MAPT: variants seen among roughly 807,000 people sequenced by gnomAD.
MAPT encodes microtubule associated protein tau.
MAPT carries 34 observed loss-of-function variants against 67.9 expected under a neutral mutation model. That is an observed-to-expected ratio of 0.50 (90% CI 0.38 to 0.67). MAPT has a LOEUF of 0.67. Ranked by LOEUF, MAPT falls within the 30% of genes least tolerant of loss-of-function variation. The probability of loss-of-function intolerance (pLI) is 0.00; values close to 1 mark genes in which losing one functional copy is unlikely to be tolerated. For missense variants in MAPT, 881 were observed against 1,115.2 expected (o/e 0.79, Z 2.99); for synonymous variants, 456 against 464.5 (o/e 0.98, Z 0.23).
chr17:45,907,989 T>C, intron 1 of MAPT: 1 of 152,496 alleles, frequency 6.6e-6, no homozygotes, highest in Non-Finnish European at 1.5e-5. Flanking sequence ...CCCATCTGGT[T>C]CTACTGCCTG....
intron 1 of MAPT, among the ~76,000 whole-genome samples, chr17:45,917,191 C>A (rs2065272167): frequency 6.6e-6 from 1 of 152,252 alleles, no homozygotes; most frequent in Admixed American, 6.5e-5. Context: ...CCTTCAGTGT[C>A]TTTGCTTCAG....
At chr17:46,016,706 G>A (rs2076204545) in intron 11 of MAPT, among the ~76,000 whole-genome samples, 1 of 152,050 alleles carries the variant, frequency 6.6e-6, no homozygotes, top group Admixed American at 6.5e-5. Context: ...GGGAGGCGGA[G>A]CTTGCAGTGA....
intron 1 of MAPT, among the ~76,000 whole-genome samples, chr17:45,929,088 T>A (rs1568185549): frequency 8.9e-6 from 1 of 112,466 alleles, no homozygotes; most frequent in Non-Finnish European, 2.4e-5. Context: ...CATTTAAAAC[T>A]TTTTTTTAAT....
chr17:46,021,425 G>A (rs2076522830), intron 12 of MAPT, among the ~76,000 whole-genome samples: 1 of 152,154 alleles, frequency 6.6e-6, no homozygotes, highest in Non-Finnish European at 1.5e-5. Flanking sequence ...TCCCAGCCTC[G>A]GGGCACTTTA....
At chr17:45,954,071 C>T (rs1050639535) in intron 1 of MAPT, among the ~76,000 whole-genome samples, 7 of 152,132 alleles carry the variant, frequency 4.6e-5, no homozygotes, top group African/African-American at 1.2e-4. Flanking sequence ...AACTCTGGCA[C>T]GTGGGCCAAA....
At chr17:45,924,905 A>G (rs9904290) in intron 1 of MAPT, among the ~76,000 whole-genome samples, 80,382 of 152,030 alleles carry the variant, frequency 0.53, 21,563 homozygotes, top group Non-Finnish European at 0.56. Flanking sequence ...TGTATCTTCC[A>G]AGCTGCTTGG....
intron 1 of MAPT, among the ~76,000 whole-genome samples, chr17:45,916,073 G>A (rs1213907280): frequency 2.0e-5 from 3 of 152,266 alleles, no homozygotes; most frequent in Admixed American, 6.5e-5. Flanking sequence ...GGTGGTCTCC[G>A]GTTCCTCCAG....
chr17:45,959,548 C>T (rs62063278), intron 1 of MAPT, among the ~76,000 whole-genome samples: 21,780 of 152,118 alleles, frequency 0.14, 2,116 homozygotes, highest in Non-Finnish European at 0.22. Context: ...TGGCTCATGC[C>T]TGTAATCCCT....
At chr17:45,956,974 C>T (rs56201245) in intron 1 of MAPT, among the ~76,000 whole-genome samples, 21,382 of 151,390 alleles carry the variant, frequency 0.14, 2,059 homozygotes, top group Non-Finnish European at 0.21. Context: ...ATATGTGCCA[C>T]ATTTTCTTAA....
rs576562021 is a variant in MAPT at position 45,906,150 on chromosome 17, G to A, written c.-18+11464G>A. Among the ~76,000 whole-genome samples the A allele has an allele frequency of 3.8e-4, 58 of 152,136 alleles. No individual in the cohort carries two copies. Among genetic ancestry groups the A allele is most frequent in the Non-Finnish European group, 7.2e-4 (49 of 68,020 alleles). The stretch of plus-strand genomic sequence containing the variant: ...ACCAGGGTGCAAGACAGTGGGTGGG[G>A]GTGCCTTGAGCATGACCTCAAGTGA... On this transcript the variant is annotated intron_variant, in intron 1 of 12. Coordinates refer to ENST00000262410, the MANE Select transcript of MAPT (RefSeq NM_001377265.1). This position sits in a 1 kb window ranked among gnomAD's most constrained non-coding sequence, Gnocchi z 4.3.
intron 1 of MAPT, among the ~76,000 whole-genome samples, chr17:45,952,509 G>A (rs2069185272): frequency 6.6e-6 from 1 of 152,188 alleles, no homozygotes; most frequent in African/African-American, 2.4e-5. Context: ...TTTAGACTGG[G>A]TGCTGTGGCT....
chr17:46,010,103 CT>C lies in MAPT; in HGVS notation c.1999-206del, dbSNP rs2075719403. On this transcript the variant is annotated intron_variant, in intron 9 of 12. Transcript: ENST00000262410. This position sits in a 1 kb window ranked among gnomAD's most constrained non-coding sequence, Gnocchi z 4.7. ...TCTGGGATGCCTTCAGAGCAGCCCT[CT>C]ATCCCTTCAGCTCCCCTGGGATGTG... 6.6e-6 allele frequency among the ~76,000 whole-genome samples: 1 copy of C among 152,208 alleles called. No individual in the cohort carries two copies. The highest frequency in any genetic ancestry group is 2.4e-5 in the African/African-American group (1 of 41,456).
chr17:46,005,251 T>C (rs1487886164), intron 9 of MAPT, among the ~76,000 whole-genome samples: 1 of 152,206 alleles, frequency 6.6e-6, no homozygotes, highest in Non-Finnish European at 1.5e-5. Flanking sequence ...ACCCATGACA[T>C]TTCCCTTTTT....
At chr17:46,005,309 T>C (rs1333386677) in intron 9 of MAPT, among the ~76,000 whole-genome samples, 2 of 152,250 alleles carry the variant, frequency 1.3e-5, no homozygotes, top group Non-Finnish European at 2.9e-5. Flanking sequence ...ATCACTCTTG[T>C]AATTATCAGT....
intron 7 of MAPT, 60 bp from the exon 8 acceptor site, chr17:45,991,400 T>C: frequency 6.2e-7 from 1 of 1,611,120 alleles, no homozygotes; most frequent in Non-Finnish European, 8.5e-7. Context: ...TGGTGTTGAC[T>C]CTTGGTGGCA....
intron 9 of MAPT, among the ~76,000 whole-genome samples, chr17:46,006,619 A>C (rs1345829087): frequency 6.6e-6 from 1 of 151,920 alleles, no homozygotes; most frequent in Non-Finnish European, 1.5e-5. Flanking sequence ...GTCTCTACTA[A>C]AAATACAAAA....
At chr17:46,021,161 G>C (rs1361191733) in intron 12 of MAPT, among the ~76,000 whole-genome samples, 1 of 152,250 alleles carries the variant, frequency 6.6e-6, no homozygotes, top group Non-Finnish European at 1.5e-5. Context: ...GCGAACTGTG[G>C]CCTGGGGCAG....
chr17:45,919,751 AAAAT>A (rs1401991504), intron 1 of MAPT, among the ~76,000 whole-genome samples: 4 of 152,236 alleles, frequency 2.6e-5, no homozygotes, highest in African/African-American at 4.8e-5. Flanking sequence ...TACAAAAAAT[AAAAT>A]AAATAAAATT....
intron 4 of MAPT, among the ~76,000 whole-genome samples, chr17:45,981,038 C>T (rs2072899721): frequency 6.6e-6 from 1 of 152,224 alleles, no homozygotes; most frequent in Non-Finnish European, 1.5e-5. Context: ...GGCCCATGAG[C>T]ATGGCCAGTA....
Sources: gnomAD v4.1 joint callset for allele counts (sites outside exome capture counted in the v4.1 genomes callset) on GRCh38, gnomAD v4.1.1 for gene constraint, Gnocchi (gnomAD v3.1) non-coding constraint, MANE v1.5 for transcripts, NCBI Gene and HGNC (gene_info 2026-07-23, HGNC 2026-07-21) for gene names.